The following UNC79 variants were observed in gnomAD, a reference collection of about 807,000 sequenced individuals.
UNC79 encodes unc-79 subunit of NALCN channel complex.
A neutral mutation model predicts 283.1 loss-of-function variants in UNC79; 37 were observed. The ratio of observed to expected loss-of-function variants is 0.13; its 90% CI spans 0.10 to 0.17. The LOEUF is 0.17. Among genes scored for constraint, UNC79 ranks in the 10% least tolerant of loss-of-function variants. The pLI, the probability that UNC79 is intolerant of heterozygous loss-of-function variation, is 1.00. For missense variants in UNC79, 2,272 were observed against 3,211.1 expected, an observed-to-expected ratio of 0.71 and a Z score of 7.07; for synonymous variants, 1,107 against 1,200.2, an observed-to-expected ratio of 0.92 and a Z score of 1.61.
intron 1 of UNC79, among the ~76,000 whole-genome samples, chr14:93,368,592 T>C (rs929393051): frequency 2.0e-5 from 3 of 152,136 alleles, no homozygotes; most frequent in Non-Finnish European, 4.4e-5. Context: ...TGCCTCAGCC[T>C]TCTGAGTAAC....
intron 39 of UNC79, among the ~76,000 whole-genome samples, chr14:93,662,092 C>A (rs1256850168): frequency 6.6e-6 from 1 of 152,078 alleles, no homozygotes; most frequent in African/African-American, 2.4e-5. Context: ...GGGGAGAAAC[C>A]AAAACAGACT....
At chr14:93,388,305 A>G (rs1244697087) in intron 1 of UNC79, among the ~76,000 whole-genome samples, 6 of 152,164 alleles carry the variant, frequency 3.9e-5, no homozygotes, top group African/African-American at 1.4e-4. Context: ...TAGCATGAAT[A>G]TACTACAATA....
intron 1 of UNC79, among the ~76,000 whole-genome samples, chr14:93,415,781 C>T (rs1348668903): frequency 6.6e-6 from 1 of 151,178 alleles, no homozygotes; most frequent in Non-Finnish European, 1.5e-5. Context: ...TTATCCATTT[C>T]TTCTAGATTT....
intron 7 of UNC79, among the ~76,000 whole-genome samples, chr14:93,509,974 C>G (rs1363991592): frequency 6.6e-6 from 1 of 152,184 alleles, no homozygotes; most frequent in Non-Finnish European, 1.5e-5. Flanking sequence ...CCAGGCATTT[C>G]CATACATCCT....
At chr14:93,426,410 C>A (rs57171841), upstream of UNC79, among the ~76,000 whole-genome samples, 10,409 of 150,482 alleles carry the variant, frequency 0.069, 437 homozygotes, top group Middle Eastern at 0.12. Flanking sequence ...GCCATTATTT[C>A]CTTAAATATT....
chr14:93,645,883 G>A (rs1231444157), intron 34 of UNC79, among the ~76,000 whole-genome samples: 1 of 152,114 alleles, frequency 6.6e-6, no homozygotes, highest in Non-Finnish European at 1.5e-5. Context: ...TCTTCTCTAA[G>A]TGGGGTCTTG....
rs1415533259 is a variant in UNC79, at chr14:93,690,241, G to T, written c.7210G>T (p.Ala2404Ser). 1.9e-6 allele frequency: 3 copies of T among 1,614,052 alleles called. No homozygotes were observed. Among genetic ancestry groups the T allele is most frequent in the Non-Finnish European group, 1.7e-6 (2 of 1,180,044 alleles). ...TCCCTGCCTGCCCATTCCTCTGGAT[G>T]CAGGCTCCCACGTTGCAGACCATCT... The change falls in exon 45 of 49, where the codon GCA (alanine) becomes TCA (serine). Residue 2404 changes from alanine to serine, a missense_variant. By Grantham distance (99) the Ala-to-Ser change is moderately conservative. Transcript: ENST00000555664. The surrounding 1 kb of genome is among the most constrained non-coding windows in gnomAD (Gnocchi z 4.3).
Position 93,641,250 on chromosome 14 carries a change from A to G in UNC79, c.5903+3A>G. The G allele has an allele frequency of 2.5e-6, 4 of 1,611,000 alleles. No individual in the cohort carries two copies. The highest frequency in any genetic ancestry group is 3.4e-6 in the Non-Finnish European group (4 of 1,177,886). On this transcript the variant is annotated splice_donor_region_variant and intron_variant, in intron 33 of 48. Transcript: ENST00000555664. ...CAGCCGACGGTGATGACGGACAAGT[A>G]AGCTCGCACAGTTATTTTCTTCACC...
chr14:93,486,410 A>G (rs1010245969), intron 4 of UNC79, among the ~76,000 whole-genome samples: 4 of 151,790 alleles, frequency 2.6e-5, no homozygotes, highest in Admixed American at 6.6e-5. Context: ...TAATCCCAGC[A>G]CTCTGGGAGG....
rs2069855508 is a variant in UNC79, at chr14:93,648,306, T to G, written c.6083+1660T>G. 4.6e-5 allele frequency among the ~76,000 whole-genome samples: 7 copies of G among 152,062 alleles called. No individual in the cohort carries two copies. The South Asian group carries it at 1.5e-3, about 32-fold the overall frequency. On this transcript the variant is annotated intron_variant, in intron 35 of 48. Transcript: ENST00000555664. ...ATAAATCTTTTTAAGGAAAAAAAATTTTGAGGACCCCTCTGGCTTCTCTGT... is the reference window on the plus strand; with the variant it reads ...ATAAATCTTTTTAAGGAAAAAAAATGTTGAGGACCCCTCTGGCTTCTCTGT...
chr14:93,614,398 G>C (rs2066538223), intron 27 of UNC79, among the ~76,000 whole-genome samples: 2 of 152,012 alleles, frequency 1.3e-5, no homozygotes, highest in Non-Finnish European at 2.9e-5. Context: ...CTCACTGCAA[G>C]CTCCGCCTCC....
intron 1 of UNC79, among the ~76,000 whole-genome samples, chr14:93,437,082 C>G (rs2056111545): frequency 6.6e-6 from 1 of 151,928 alleles, no homozygotes; most frequent in African/African-American, 2.4e-5. Context: ...TATATACATG[C>G]ACAAATGCAT....
chr14:93,558,888 C>A (rs2062370395), intron 14 of UNC79, among the ~76,000 whole-genome samples: 1 of 151,828 alleles, frequency 6.6e-6, no homozygotes, highest in East Asian at 1.9e-4. Flanking sequence ...TCCAAGATGC[C>A]ACCCAGTGGG....
chr14:93,519,526 A>G (rs1381015342), intron 7 of UNC79, among the ~76,000 whole-genome samples: 1 of 151,850 alleles, frequency 6.6e-6, no homozygotes, highest in Non-Finnish European at 1.5e-5. Context: ...GACCATTGGC[A>G]TTTAATGTAA....
chr14:93,573,465 C>A (rs143365053), intron 16 of UNC79, among the ~76,000 whole-genome samples: 23 of 152,278 alleles, frequency 1.5e-4, no homozygotes, highest in Non-Finnish European at 2.6e-4. Flanking sequence ...GAATATGGCA[C>A]ACGCTTGTAT....
At chr14:93,483,276 CA>C (rs2058234870) in intron 4 of UNC79, among the ~76,000 whole-genome samples, 1 of 152,060 alleles carries the variant, frequency 6.6e-6, no homozygotes, top group African/African-American at 2.4e-5. Context: ...GCGCTGTCTA[CA>C]GAACTTCCTG....
At chr14:93,627,608 G>A (rs1189553126) in intron 30 of UNC79, among the ~76,000 whole-genome samples, 2 of 152,096 alleles carry the variant, frequency 1.3e-5, no homozygotes, top group Admixed American at 6.6e-5. Flanking sequence ...CAAGCCTCTG[G>A]CCATGTTATT....
chr14:93,422,301 C>T (rs375295482), intron 1 of UNC79, among the ~76,000 whole-genome samples: 12 of 151,678 alleles, frequency 7.9e-5, no homozygotes, highest in South Asian at 2.1e-4. Context: ...ATCTAAAGAC[C>T]GGGAATCAAT....
chr14:93,430,936 G>T lies in UNC79; in HGVS notation c.-94G>T, dbSNP rs1406994831. On this transcript the variant is annotated 5_prime_UTR_variant, in exon 1 of 49. Coordinates refer to ENST00000555664, the Ensembl canonical transcript of UNC79. The surrounding 1 kb of genome is among the most constrained non-coding windows in gnomAD (Gnocchi z 4.6). ...GAAAGCGAGGGGGTGGGGGGTGGGG[G>T]GTATGCACTCTTTTCCTCGCAACAT... The T allele has an allele frequency of 4.4e-6, 3 of 678,828 alleles. No homozygotes were observed. The highest frequency in any genetic ancestry group is 5.6e-5 in the East Asian group (2 of 35,862). 42.1% of individuals were successfully genotyped at this position (678,828 alleles called of 1,614,324 possible). A position where few individuals can be genotyped will look rare whatever the true frequency, so the allele number is the denominator to read the frequency against.
Sources: gnomAD v4.1 joint callset for allele counts (sites outside exome capture counted in the v4.1 genomes callset) on GRCh38, gnomAD v4.1.1 for gene constraint, Gnocchi (gnomAD v3.1) non-coding constraint, MANE v1.5 for transcripts, NCBI Gene and HGNC (gene_info 2026-07-23, HGNC 2026-07-21) for gene names.